Variants in ECHDC1 observed in about 807,000 individuals in gnomAD.
The protein encoded by ECHDC1 is ethylmalonyl-CoA decarboxylase.
A neutral mutation model predicts 29.7 loss-of-function variants in ECHDC1; 29 were observed. That is an observed-to-expected ratio of 0.98 (90% CI 0.73 to 1.33). The LOEUF is 1.33. ECHDC1 is among the 40% of genes most tolerant of loss of function. ECHDC1 has a pLI of 0.00. For missense variants in ECHDC1, 328 were observed against 350.0 expected (o/e 0.94, Z 0.50); for synonymous variants, 126 against 123.1 (o/e 1.02, Z -0.15).
At chr6:127,338,415 A>G (rs1784622201) in intron 1 of ECHDC1, among the ~76,000 whole-genome samples, 1 of 152,170 alleles carries the variant, frequency 6.6e-6, no homozygotes, top group Admixed American at 6.5e-5. Flanking sequence ...TCTTAACTTC[A>G]TAAAAGGATA....
intron 3 of ECHDC1, among the ~76,000 whole-genome samples, chr6:127,324,677 T>C (rs191578941): frequency 6.6e-6 from 1 of 152,230 alleles, no homozygotes; most frequent in African/African-American, 2.4e-5. Context: ...TATCTAATAA[T>C]ACTAGAAAGT....
At chr6:127,329,310 A>C (rs1027075940) in intron 2 of ECHDC1, among the ~76,000 whole-genome samples, 1 of 151,952 alleles carries the variant, frequency 6.6e-6, no homozygotes, top group African/African-American at 2.4e-5. Flanking sequence ...TCCCAATCCA[A>C]CTCCACCAAA....
Position 127,316,498 on chromosome 6 carries a change from C to T in ECHDC1, c.368G>A (p.Gly123Glu). The T allele has an allele frequency of 1.9e-6, 3 of 1,599,684 alleles. No individual in the cohort carries two copies. Among genetic ancestry groups the T allele is most frequent in the Non-Finnish European group, 2.6e-6 (3 of 1,174,030 alleles). Reference protein sequence around the residue: ...AVKSLGTPEDGMAVCMFMQNT... With the variant: ...AVKSLGTPEDEMAVCMFMQNT... The stretch of plus-strand genomic sequence containing the variant: ...TTGCATGAACATGCATACGGCCATT[C>T]CATCCTTTAAATAAAAATAAGCAGA... The change falls in exon 4 of 6, where the codon GGA (glycine) becomes GAA (glutamate). Residue 123 changes from glycine (G) to glutamate (E), a missense_variant. Coordinates refer to ENST00000454859, the MANE Select transcript of ECHDC1 (RefSeq NM_001002030.2).
intron 2 of ECHDC1, among the ~76,000 whole-genome samples, chr6:127,328,700 A>G (rs981727307): frequency 2.0e-5 from 3 of 152,222 alleles, no homozygotes; most frequent in African/African-American, 7.2e-5. Context: ...GTATAGGTTA[A>G]TATGGGCCTT....
chr6:127,325,370 G>A (rs1293662672), intron 3 of ECHDC1, among the ~76,000 whole-genome samples: 1 of 152,148 alleles, frequency 6.6e-6, no homozygotes, highest in Non-Finnish European at 1.5e-5. Context: ...AAGCAGAAAA[G>A]GGATACCAGT....
intron 1 of ECHDC1, among the ~76,000 whole-genome samples, chr6:127,332,864 C>T (rs532094662): frequency 6.6e-6 from 1 of 152,128 alleles, no homozygotes; most frequent in Non-Finnish European, 1.5e-5. Context: ...ACTATCTCCA[C>T]TCACTGAAAC....
At chr6:127,316,105 T>A (rs1782349666) in intron 4 of ECHDC1, 1 of 473,812 alleles carries the variant, frequency 2.1e-6, no homozygotes, top group African/African-American at 2.0e-5. Context: ...TTAGGTAAAC[T>A]TTATGTGTCA....
At chr6:127,319,417 T>C (rs1782660999) in intron 3 of ECHDC1, among the ~76,000 whole-genome samples, 1 of 152,228 alleles carries the variant, frequency 6.6e-6, no homozygotes, top group Admixed American at 6.5e-5. Context: ...AAGTTATCTA[T>C]CATTATTATT....
At chr6:127,294,870 T>C (rs191790565) in intron 5 of ECHDC1, 1 of 120,466 alleles carries the variant, frequency 8.3e-6, no homozygotes, top group Non-Finnish European at 1.7e-5. Context: ...ATTTTTGAAT[T>C]GGGGTGGGGG....
At chr6:127,324,359 T>G (rs1783110426) in intron 3 of ECHDC1, among the ~76,000 whole-genome samples, 1 of 152,190 alleles carries the variant, frequency 6.6e-6, no homozygotes, top group South Asian at 2.1e-4. Context: ...GAGATAGATT[T>G]TATATATCCC....
Position 127,314,863 on chromosome 6 carries a change from A to T in ECHDC1, c.450T>A (p.Gly150=), listed in dbSNP as rs765535043. The change falls in exon 5 of 6, where the codon GGT becomes GGA. Residue 150 remains glycine (G), a synonymous_variant. Transcript: ENST00000454859. ...LPLISVALVQ[G]WALGGGAEFT... ...ATTCTGCTCCTCCACCCAATGCCCA[A>T]CCTTGAACCAGCGCAACACTTATTA... The T allele has an allele frequency of 9.3e-6, 15 of 1,612,102 alleles. No homozygotes were observed. In the South Asian group the frequency reaches 1.5e-4, roughly 17 times the overall value.
chr6:127,301,175 C>T (rs184226363), intron 5 of ECHDC1, among the ~76,000 whole-genome samples: 45 of 152,288 alleles, frequency 3.0e-4, no homozygotes, highest in Non-Finnish European at 5.1e-4. Context: ...AAAAGTATGA[C>T]TCAAGTGAGG....
At chr6:127,322,884 T>A (rs963561384) in intron 3 of ECHDC1, among the ~76,000 whole-genome samples, 1 of 152,102 alleles carries the variant, frequency 6.6e-6, no homozygotes, top group Non-Finnish European at 1.5e-5. Context: ...GTGTCTTTCA[T>A]GAACTAAGGT....
intron 5 of ECHDC1, among the ~76,000 whole-genome samples, chr6:127,310,881 G>A (rs1781843764): frequency 6.6e-6 from 1 of 151,900 alleles, no homozygotes; most frequent in Non-Finnish European, 1.5e-5. Context: ...ACTCTGATCA[G>A]TTAGCTGCCA....
intron 4 of ECHDC1, chr6:127,315,656 T>C (rs578230635): frequency 3.3e-5 from 9 of 272,450 alleles, no homozygotes; most frequent in South Asian, 2.9e-4. Flanking sequence ...AAATAATAAC[T>C]TCAGATTTAT....
chr6:127,320,822 T>C (rs559796170), intron 3 of ECHDC1, among the ~76,000 whole-genome samples: 51 of 152,244 alleles, frequency 3.3e-4, no homozygotes, highest in African/African-American at 8.7e-4. Context: ...ATAGGGACAG[T>C]TGGAGCTCTT....
chr6:127,342,533 ACTT>A (rs1201093843), intron 1 of ECHDC1: 5 of 607,104 alleles, frequency 8.2e-6, no homozygotes, highest in Non-Finnish European at 1.4e-5. Context: ...TCACAAATAT[ACTT>A]CTCACCACAA....
chr6:127,328,518 A>G (rs937445547), intron 2 of ECHDC1, among the ~76,000 whole-genome samples: 1 of 152,218 alleles, frequency 6.6e-6, no homozygotes, highest in African/African-American at 2.4e-5. Context: ...GTCACCTAAC[A>G]TATTTCTTAG....
intron 1 of ECHDC1, among the ~76,000 whole-genome samples, chr6:127,333,113 C>T (rs2114691507): frequency 6.6e-6 from 1 of 152,280 alleles, no homozygotes; most frequent in Non-Finnish European, 1.5e-5. Flanking sequence ...GCTTTCTGTC[C>T]AGCACCTATG....
Sources: allele counts gnomAD v4.1 joint callset (sites outside exome capture counted in the v4.1 genomes callset), GRCh38; gene constraint gnomAD v4.1.1; transcripts MANE v1.5; gene names NCBI Gene and HGNC (gene_info 2026-07-23, HGNC 2026-07-21).